Variants in KDM4C observed in about 807,000 individuals in gnomAD.
KDM4C encodes the protein lysine-specific demethylase 4C.
Under a neutral mutation model 129.3 loss-of-function variants are expected in KDM4C, and 81 were observed. The ratio of observed to expected loss-of-function variants is 0.63; its 90% CI spans 0.52 to 0.75. KDM4C has a LOEUF of 0.75. Among genes scored for constraint, KDM4C ranks in the 30% least tolerant of loss-of-function variants. The probability of loss-of-function intolerance (pLI) is 0.00; values close to 1 mark genes in which losing one functional copy is unlikely to be tolerated. For synonymous variants in KDM4C, 573 were observed against 456.1 expected, an observed-to-expected ratio of 1.26 and a Z score of -3.26; for missense variants, 1,457 against 1,304.0, an observed-to-expected ratio of 1.12 and a Z score of -1.81.
At chr9:6,856,559 T>TGTGTGTGA in intron 5 of KDM4C, among the ~76,000 whole-genome samples, 1 of 147,802 alleles carries the variant, frequency 6.8e-6, no homozygotes, top group South Asian at 2.3e-4. Context: ...TGTGTGTGTG[T>TGTGTGTGA]GTGTGTGTGT....
chr9:7,117,803 C>T (rs1430236708), intron 18 of KDM4C, among the ~76,000 whole-genome samples: 2 of 152,150 alleles, frequency 1.3e-5, no homozygotes, highest in Non-Finnish European at 2.9e-5. Flanking sequence ...TGGGAACTCA[C>T]TGATTCTCTA....
chr9:7,008,356 C>A (rs1238997844), intron 12 of KDM4C, among the ~76,000 whole-genome samples: 1 of 152,166 alleles, frequency 6.6e-6, no homozygotes, highest in Non-Finnish European at 1.5e-5. Context: ...GTACCCACAT[C>A]CTTAGACTCC....
intron 18 of KDM4C, among the ~76,000 whole-genome samples, chr9:7,121,824 A>T (rs1839520933): frequency 6.6e-6 from 1 of 151,816 alleles, no homozygotes; most frequent in African/African-American, 2.4e-5. Context: ...AAAAAAAGGA[A>T]ATGTAATTTC....
At chr9:6,844,594 TG>T (rs1252609972) in intron 4 of KDM4C, among the ~76,000 whole-genome samples, 1 of 152,252 alleles carries the variant, frequency 6.6e-6, no homozygotes, top group Non-Finnish European at 1.5e-5. Flanking sequence ...GGTTTCCTTA[TG>T]AGTGCTTTTG....
At chr9:7,008,155 G>A (rs1429327892) in intron 12 of KDM4C, among the ~76,000 whole-genome samples, 1 of 152,160 alleles carries the variant, frequency 6.6e-6, no homozygotes, top group Non-Finnish European at 1.5e-5. Context: ...AGGGATACCT[G>A]TGTGGGAAGG....
intron 18 of KDM4C, among the ~76,000 whole-genome samples, chr9:7,107,458 G>A (rs961771520): frequency 6.6e-6 from 1 of 152,228 alleles, no homozygotes; most frequent in African/African-American, 2.4e-5. Context: ...CTGAATAACA[G>A]AGGTGAGAAA....
chr9:7,143,596 T>C (rs1478498522), intron 19 of KDM4C, among the ~76,000 whole-genome samples: 5 of 152,334 alleles, frequency 3.3e-5, no homozygotes, highest in Admixed American at 2.6e-4. Context: ...AATCTAACAA[T>C]GGTGTGTTAT....
At chr9:6,857,230 C>T (rs545367179) in intron 5 of KDM4C, among the ~76,000 whole-genome samples, 11 of 152,130 alleles carry the variant, frequency 7.2e-5, no homozygotes, top group South Asian at 2.1e-4. Flanking sequence ...CCCAGGGGTT[C>T]GAAACCAACC....
At chr9:6,848,315 A>G (rs1406087978) in intron 4 of KDM4C, among the ~76,000 whole-genome samples, 1 of 152,228 alleles carries the variant, frequency 6.6e-6, no homozygotes, top group South Asian at 2.1e-4. Flanking sequence ...TGATAAAAAT[A>G]TATGGTAAAA....
intron 1 of KDM4C, among the ~76,000 whole-genome samples, chr9:6,788,435 A>T (rs887781758): frequency 6.6e-6 from 1 of 152,158 alleles, no homozygotes; most frequent in African/African-American, 2.4e-5. Context: ...TACAAAGGTG[A>T]TCTGTGGGCT....
At chr9:7,130,513 C>G (rs1564156174) in intron 19 of KDM4C, among the ~76,000 whole-genome samples, 1 of 152,160 alleles carries the variant, frequency 6.6e-6, no homozygotes, top group Non-Finnish European at 1.5e-5. Context: ...AGAAGCTAAC[C>G]CGCAGAAGAG....
At chr9:6,858,474 A>G (rs1490896328) in intron 5 of KDM4C, among the ~76,000 whole-genome samples, 1 of 152,184 alleles carries the variant, frequency 6.6e-6, no homozygotes, top group Admixed American at 6.5e-5. Context: ...TACTTCATGG[A>G]AAGCAAGCAT....
At chr9:6,929,914 T>C (rs575263020) in intron 8 of KDM4C, among the ~76,000 whole-genome samples, 80 of 152,330 alleles carry the variant, frequency 5.3e-4, no homozygotes, top group Non-Finnish European at 6.9e-4. Flanking sequence ...TTATGGCTCA[T>C]AAGAAGTCTC....
At chr9:7,035,390 C>A (rs1399178820) in intron 15 of KDM4C, among the ~76,000 whole-genome samples, 1 of 144,126 alleles carries the variant, frequency 6.9e-6, no homozygotes, top group Non-Finnish European at 1.5e-5. Flanking sequence ...AGATAGTAAT[C>A]CTCTTTTTCA....
chr9:6,954,465 T>C (rs1161638671), intron 8 of KDM4C, among the ~76,000 whole-genome samples: 1 of 152,240 alleles, frequency 6.6e-6, no homozygotes, highest in Non-Finnish European at 1.5e-5. Context: ...TGAACTATTC[T>C]GGTAGCTACT....
In KDM4C at chr9:6,990,477, C is replaced by G; in HGVS notation, c.1739C>G (p.Ala580Gly). Residue 580 changes from alanine to glycine, a missense_variant, in exon 12 of 22, where the codon GCA becomes GGA. Coordinates refer to ENST00000381309, the MANE Select transcript of KDM4C (RefSeq NM_015061.6). ...CGCCATCCACTTAGCAGGCCTCCAG[C>G]AAGATCTCCGATGACTCTTGTGAAG... ...SWRHPLSRPP[A>G]RSPMTLVKQQ... 6.2e-7 allele frequency: 1 copy of G among 1,612,760 alleles called. No homozygotes were observed. Among genetic ancestry groups the G allele is most frequent in the Non-Finnish European group, 8.5e-7 (1 of 1,179,802 alleles).
intron 2 of KDM4C, among the ~76,000 whole-genome samples, chr9:6,801,239 ATTTTTTTTTTTTTT>A (rs59151680): frequency 1.7e-4 from 11 of 65,736 alleles, no homozygotes; most frequent in South Asian, 6.5e-4. Context: ...GAGTAGGGAA[ATTTTTTTTTTTTTT>A]TTTTTTTTTT....
At chr9:6,916,472 C>T (rs575017897) in intron 8 of KDM4C, among the ~76,000 whole-genome samples, 1 of 152,144 alleles carries the variant, frequency 6.6e-6, no homozygotes, top group Admixed American at 6.5e-5. Context: ...ACAGGCCTCA[C>T]TGTGTTGCCC....
chr9:7,064,976 G>C (rs755965580), intron 17 of KDM4C, among the ~76,000 whole-genome samples: 5 of 152,162 alleles, frequency 3.3e-5, no homozygotes, highest in Non-Finnish European at 5.9e-5. Context: ...AGAATAAAGA[G>C]ACTTAAATAA....
Sources: gnomAD v4.1 joint callset for allele counts (sites outside exome capture counted in the v4.1 genomes callset) on GRCh38, gnomAD v4.1.1 for gene constraint, MANE v1.5 for transcripts, NCBI Gene and HGNC (gene_info 2026-07-23, HGNC 2026-07-21) for gene names.